The following WWOX variants were observed in gnomAD, a reference collection of about 807,000 sequenced individuals.
WWOX encodes WW domain containing oxidoreductase.
Under a neutral mutation model 46.2 loss-of-function variants are expected in WWOX, and 69 were observed. That is an observed-to-expected ratio of 1.49 (90% CI 1.23 to 1.82). WWOX has a LOEUF of 1.82. WWOX is among the 40% of genes most tolerant of loss of function. The pLI is 0.00. For missense variants in WWOX, 919 were observed against 542.6 expected (o/e 1.69, Z -6.89); for synonymous variants, 359 against 202.6 (o/e 1.77, Z -6.56).
intron 8 of WWOX, among the ~76,000 whole-genome samples, chr16:79,105,301 G>A (rs1265851427): frequency 6.6e-6 from 1 of 152,130 alleles, no homozygotes; most frequent in Non-Finnish European, 1.5e-5. Flanking sequence ...TGTAGAAAGG[G>A]TAGAAAATAC....
chr16:78,346,572 G>C lies in WWOX; in HGVS notation c.517-40288G>C, dbSNP rs1318990481. Among the ~76,000 whole-genome samples, 2 of 119,606 alleles carry C rather than the reference G, an allele frequency of 1.7e-5. 1 individual carries two copies. The highest frequency in any genetic ancestry group is 5.7e-5 in the African/African-American group (2 of 35,282). The allele number at this position is 119,606 out of a possible 152,430, so 78.5% of individuals were successfully genotyped here. ...TCCTTAATAATACTTGATATTATTG[G>C]TCTTCTAAATTTTCTGTTTGGGTAC... On this transcript the variant is annotated intron_variant, in intron 5 of 8. Transcript: ENST00000566780.
chr16:79,051,476 T>C (rs569611059), intron 8 of WWOX, among the ~76,000 whole-genome samples: 108 of 146,438 alleles, frequency 7.4e-4, no homozygotes, highest in Admixed American at 2.4e-3. Context: ...TGCCACATTC[T>C]CCAGGCCACT....
At chr16:79,181,058 G>T (rs903486873) in intron 8 of WWOX, among the ~76,000 whole-genome samples, 4 of 152,238 alleles carry the variant, frequency 2.6e-5, no homozygotes, top group African/African-American at 9.6e-5. Context: ...CAAACAATAT[G>T]AATATATAAG....
chr16:79,098,946 AAAG>A (rs1309686834), intron 8 of WWOX, among the ~76,000 whole-genome samples: 26 of 152,312 alleles, frequency 1.7e-4, no homozygotes, highest in African/African-American at 6.3e-4. Context: ...TTCATAAAGA[AAAG>A]AAGTTTGTTT....
intron 8 of WWOX, among the ~76,000 whole-genome samples, chr16:78,474,639 G>T (rs1043796140): frequency 2.0e-5 from 3 of 151,544 alleles, no homozygotes; most frequent in African/African-American, 7.3e-5. Context: ...CAATTCAATG[G>T]CTCAGTCTAT....
intron 4 of WWOX, among the ~76,000 whole-genome samples, chr16:78,116,214 CTTG>C (rs142717296): frequency 0.019 from 2,857 of 152,222 alleles, 111 homozygotes; most frequent in African/African-American, 0.066. Flanking sequence ...CTATAATCAA[CTTG>C]TTGTGCTATC....
intron 8 of WWOX, among the ~76,000 whole-genome samples, chr16:78,627,359 T>A (rs1397722924): frequency 2.0e-5 from 3 of 152,156 alleles, no homozygotes; most frequent in African/African-American, 7.2e-5. Flanking sequence ...GAATCCTAAT[T>A]TTGGCTTAAC....
At chr16:78,816,200 T>C (rs904294571) in intron 8 of WWOX, among the ~76,000 whole-genome samples, 3 of 152,154 alleles carry the variant, frequency 2.0e-5, no homozygotes, top group Non-Finnish European at 4.4e-5. Flanking sequence ...TGATAAAGAA[T>C]TGATGTAAAA....
intron 8 of WWOX, among the ~76,000 whole-genome samples, chr16:78,884,528 G>A (rs2044412825): frequency 6.6e-6 from 1 of 152,102 alleles, no homozygotes; most frequent in Non-Finnish European, 1.5e-5. Flanking sequence ...GAATGACTTA[G>A]AACTAAATTC....
At chr16:78,700,884 A>G (rs2048201217) in intron 8 of WWOX, among the ~76,000 whole-genome samples, 1 of 152,208 alleles carries the variant, frequency 6.6e-6, no homozygotes, top group Non-Finnish European at 1.5e-5. Context: ...TTGAAAACCA[A>G]CCCAAAGGGC....
chr16:78,931,218 C>T (rs1442864044), intron 8 of WWOX, among the ~76,000 whole-genome samples: 2 of 152,158 alleles, frequency 1.3e-5, no homozygotes, highest in Admixed American at 6.5e-5. Context: ...GGAAAACTGA[C>T]AAGACCCTGG....
At chr16:78,898,118 A>G (rs2044744204) in intron 8 of WWOX, 1 of 151,676 alleles carries the variant, frequency 6.6e-6, no homozygotes, top group East Asian at 1.9e-4. Context: ...TTTATTCCTT[A>G]ATGGTGTCTT....
At chr16:78,367,915 C>G (rs1394532402) in intron 5 of WWOX, among the ~76,000 whole-genome samples, 1 of 152,094 alleles carries the variant, frequency 6.6e-6, no homozygotes, top group East Asian at 1.9e-4. Flanking sequence ...TGACACCACA[C>G]CCCGCTAATT....
At position 78,780,111 on chromosome 16, in the gene WWOX, G is replaced by A. The variant is rs565332282; in HGVS notation, c.1056+347359G>A. Among the ~76,000 whole-genome samples the A allele has an allele frequency of 4.6e-5, 7 of 152,248 alleles. No individual in the cohort carries two copies. In the East Asian group the frequency reaches 1.2e-3, roughly 25 times the overall value. ...CATGGTTCTCGTACTTCAGGTCCCT[G>A]TGAGCCCCTGGGGTCCTACACAACT... On this transcript the variant is annotated intron_variant, in intron 8 of 8. Coordinates refer to ENST00000566780, the MANE Select transcript of WWOX (RefSeq NM_016373.4).
chr16:78,180,488 C>T (rs1408152990), intron 5 of WWOX, among the ~76,000 whole-genome samples: 1 of 151,184 alleles, frequency 6.6e-6, no homozygotes, highest in East Asian at 1.9e-4. Flanking sequence ...ATGGGGTATA[C>T]ATGAGTGCTA....
chr16:78,257,750 A>G (rs1052897705), intron 5 of WWOX, among the ~76,000 whole-genome samples: 1 of 152,196 alleles, frequency 6.6e-6, no homozygotes. Context: ...ATTATCACTC[A>G]TGCTCTGCTG....
intron 8 of WWOX, among the ~76,000 whole-genome samples, chr16:79,089,452 C>G (rs560248616): frequency 2.6e-5 from 4 of 151,886 alleles, no homozygotes; most frequent in African/African-American, 9.7e-5. Context: ...CTGCCTCAGC[C>G]TCCCGAGTAG....
At chr16:78,406,700 C>G (rs930577102) in intron 6 of WWOX, among the ~76,000 whole-genome samples, 1 of 150,402 alleles carries the variant, frequency 6.6e-6, no homozygotes, top group Non-Finnish European at 1.5e-5. Flanking sequence ...AATCTCGGCT[C>G]ACTGCAACCT....
intron 8 of WWOX, among the ~76,000 whole-genome samples, chr16:78,824,819 T>C (rs1246758043): frequency 6.6e-6 from 1 of 152,084 alleles, no homozygotes; most frequent in African/African-American, 2.4e-5. Flanking sequence ...CAAGTTGAGA[T>C]TTGGGTGGAG....
Sources: allele counts gnomAD v4.1 joint callset (sites outside exome capture counted in the v4.1 genomes callset), GRCh38; gene constraint gnomAD v4.1.1; transcripts MANE v1.5; gene names NCBI Gene and HGNC (gene_info 2026-07-23, HGNC 2026-07-21).